BTBD9: variants seen among roughly 807,000 people sequenced by gnomAD.
BTBD9 encodes the protein BTB/POZ domain-containing protein 9.
A neutral mutation model predicts 64.3 loss-of-function variants in BTBD9; 49 were observed. The ratio of observed to expected loss-of-function variants is 0.76; its 90% CI spans 0.61 to 0.97. The LOEUF (loss-of-function observed/expected upper bound fraction) is 0.97, where lower values mean the gene tolerates loss of function less well. BTBD9 is among the 50% of genes least tolerant of loss of function. BTBD9 has a pLI of 0.00. For synonymous variants in BTBD9, 260 were observed against 274.7 expected, an observed-to-expected ratio of 0.95 and a Z score of 0.53; for missense variants, 598 against 762.1, an observed-to-expected ratio of 0.78 and a Z score of 2.53.
At chr6:38,352,430 G>A (rs772857585) in intron 6 of BTBD9, among the ~76,000 whole-genome samples, 49 of 151,602 alleles carry the variant, frequency 3.2e-4, no homozygotes, top group Non-Finnish European at 5.0e-4. Context: ...ATGAGGAATC[G>A]GCCAGAAGCC....
At chr6:38,556,616 A>G (rs756522598) in intron 6 of BTBD9, among the ~76,000 whole-genome samples, 1 of 151,670 alleles carries the variant, frequency 6.6e-6, no homozygotes, top group Non-Finnish European at 1.5e-5. Context: ...TTCAGAATCC[A>G]AAGTCCAAAA....
chr6:38,240,315 G>A (rs191958862), intron 9 of BTBD9, among the ~76,000 whole-genome samples: 1 of 152,326 alleles, frequency 6.6e-6, no homozygotes, highest in Non-Finnish European at 1.5e-5. Flanking sequence ...AGGCCCCTCA[G>A]TCTCAGCTGG....
At position 38,171,045 on chromosome 6, in the gene BTBD9, T is replaced by G. The variant is rs1442391517; in HGVS notation, c.*3940A>C. ...CCTTTCTTCCCTGTCCAAAGGGAGG[T>G]TCTTAATTGAAGTCTGTGAGGGGAG... On this transcript the variant is annotated 3_prime_UTR_variant, in exon 11 of 11. Transcript: ENST00000481247. The G allele has an allele frequency of 6.6e-6, 1 of 152,114 alleles. No individual in the cohort carries two copies. Among genetic ancestry groups the G allele is most frequent in the Non-Finnish European group, 1.5e-5 (1 of 68,036 alleles). The allele number at this position is 152,114 out of a possible 1,614,324, so 9.4% of individuals were successfully genotyped here. A position where few individuals can be genotyped will look rare whatever the true frequency, so the allele number is the denominator to read the frequency against.
intron 6 of BTBD9, among the ~76,000 whole-genome samples, chr6:38,533,706 T>C (rs1395699243): frequency 8.5e-5 from 13 of 152,118 alleles, no homozygotes; most frequent in Admixed American, 8.5e-4. Context: ...CTGATCACAA[T>C]GGAATAAAAC....
intron 6 of BTBD9, among the ~76,000 whole-genome samples, chr6:38,367,984 T>A (rs1267597451): frequency 6.6e-6 from 1 of 152,142 alleles, no homozygotes; most frequent in Non-Finnish European, 1.5e-5. Flanking sequence ...AGGTGTGCTA[T>A]AGCAATAGTG....
rs149757310 is a variant in BTBD9 at position 38,251,848 on chromosome 6, C to T, written c.1562+4561G>A. Among the ~76,000 whole-genome samples the T allele has an allele frequency of 7.8e-3, 1,160 of 148,996 alleles. 16 individuals are homozygous for T. Among genetic ancestry groups the T allele is most frequent in the African/African-American group, 0.025 (994 of 40,274 alleles). The stretch of plus-strand genomic sequence containing the variant: ...CGGAGGCTGCAGTGAGCCAAGATTA[C>T]GCCACTGCACTCCAGCTTGGGTGAC... On this transcript the variant is annotated intron_variant, in intron 9 of 10. Transcript: ENST00000481247.
At chr6:38,273,857 G>A (rs956882309) in intron 8 of BTBD9, among the ~76,000 whole-genome samples, 3 of 152,222 alleles carry the variant, frequency 2.0e-5, no homozygotes, top group South Asian at 2.1e-4. Flanking sequence ...GGAGGAGAGC[G>A]AATTACAAAG....
intron 7 of BTBD9, among the ~76,000 whole-genome samples, chr6:38,335,051 T>C (rs1410991919): frequency 6.6e-6 from 1 of 152,028 alleles, no homozygotes; most frequent in Non-Finnish European, 1.5e-5. Context: ...TATCTGATGG[T>C]TTAAAAGTGT....
At chr6:38,247,155 T>TA (rs5875623) in intron 9 of BTBD9, among the ~76,000 whole-genome samples, 102,695 of 148,988 alleles carry the variant, frequency 0.69, 35,647 homozygotes, top group East Asian at 0.95. Flanking sequence ...AAAGAAGATG[T>TA]AAAAAAAAAA....
At chr6:38,379,364 A>G (rs1004717160) in intron 6 of BTBD9, among the ~76,000 whole-genome samples, 1 of 152,216 alleles carries the variant, frequency 6.6e-6, no homozygotes, top group African/African-American at 2.4e-5. Context: ...AATTCAAAAG[A>G]CTTGAATATT....
chr6:38,300,200 C>A (rs938355411), intron 7 of BTBD9, among the ~76,000 whole-genome samples: 8 of 152,172 alleles, frequency 5.3e-5, no homozygotes, highest in Non-Finnish European at 1.2e-4. Flanking sequence ...GGGCTCTGTT[C>A]TGTTCCATTG....
intron 6 of BTBD9, among the ~76,000 whole-genome samples, chr6:38,509,564 G>GA (rs1353333980): frequency 6.6e-6 from 1 of 152,124 alleles, no homozygotes. Context: ...ATAAAGCACT[G>GA]AAGTGGGTTA....
chr6:38,312,155 C>G (rs2127571324), intron 7 of BTBD9, among the ~76,000 whole-genome samples: 1 of 151,798 alleles, frequency 6.6e-6, no homozygotes, highest in African/African-American at 2.4e-5. Context: ...GCCACCATGC[C>G]CGGCCAACCT....
rs1393710239 is a variant in BTBD9, at chr6:38,208,013, C to G, written c.1563-15416G>C. 2.6e-5 allele frequency among the ~76,000 whole-genome samples: 4 copies of G among 151,436 alleles called. 1 individual carries two copies. Among genetic ancestry groups the G allele is most frequent in the South Asian group, 4.2e-4 (2 of 4,758 alleles). ...TTAATTACAATTAAAAAAAGCAGAG[C>G]CTAAGAAAGGGAGCAGAGCCTATGG... On this transcript the variant is annotated intron_variant, in intron 9 of 10. Coordinates refer to ENST00000481247, the MANE Select transcript of BTBD9 (RefSeq NM_001099272.2).
chr6:38,378,849 G>A (rs1233834510), intron 6 of BTBD9, among the ~76,000 whole-genome samples: 1 of 147,854 alleles, frequency 6.8e-6, no homozygotes, highest in Non-Finnish European at 1.5e-5. Context: ...ACTCCAGCCT[G>A]GGCGACAAAG....
At chr6:38,441,034 T>C (rs544823288) in intron 6 of BTBD9, among the ~76,000 whole-genome samples, 196 of 152,326 alleles carry the variant, frequency 1.3e-3, no homozygotes, top group Non-Finnish European at 2.5e-3. Flanking sequence ...GCTGGGTGAC[T>C]GCCTATGAAG....
chr6:38,608,001 T>C (rs1387145007), intron 1 of BTBD9, among the ~76,000 whole-genome samples: 1 of 152,108 alleles, frequency 6.6e-6, no homozygotes, highest in African/African-American at 2.4e-5. Context: ...TCCTCTTCCT[T>C]CCCTTCAGAA....
At chr6:38,456,283 C>T (rs1423901678) in intron 6 of BTBD9, among the ~76,000 whole-genome samples, 1 of 152,136 alleles carries the variant, frequency 6.6e-6, no homozygotes, top group Non-Finnish European at 1.5e-5. Flanking sequence ...CCACTGTGCC[C>T]GACTTGTTTT....
At chr6:38,616,210 T>A (rs760614404) in intron 1 of BTBD9, among the ~76,000 whole-genome samples, 45 of 152,262 alleles carry the variant, frequency 3.0e-4, no homozygotes, top group South Asian at 8.3e-4. Flanking sequence ...AAGAACCAAA[T>A]TCTGCTACCA....
Sources: allele counts gnomAD v4.1 joint callset (sites outside exome capture counted in the v4.1 genomes callset), GRCh38; gene constraint gnomAD v4.1.1; transcripts MANE v1.5; gene names NCBI Gene and HGNC (gene_info 2026-07-23, HGNC 2026-07-21).